The following CHMP4C variants were observed in gnomAD, a reference collection of about 807,000 sequenced individuals.
CHMP4C encodes charged multivesicular body protein 4C.
A neutral mutation model predicts 29.0 loss-of-function variants in CHMP4C; 28 were observed. The ratio of observed to expected loss-of-function variants is 0.97; its 90% CI spans 0.72 to 1.32. CHMP4C has a LOEUF of 1.32. Among genes scored for constraint, CHMP4C ranks in the 40% most tolerant of loss-of-function variants. The probability of loss-of-function intolerance (pLI) is 0.00; values close to 1 mark genes in which losing one functional copy is unlikely to be tolerated. For missense variants in CHMP4C, 291 were observed against 281.0 expected (o/e 1.04, Z -0.25); for synonymous variants, 106 against 102.4 (o/e 1.04, Z -0.21).
chr8:81,743,581 G>A (rs1808789065), intron 1 of CHMP4C, among the ~76,000 whole-genome samples: 1 of 152,036 alleles, frequency 6.6e-6, no homozygotes, highest in South Asian at 2.1e-4. Flanking sequence ...AATTTCTCTT[G>A]CCCAGCAATT....
intron 1 of CHMP4C, among the ~76,000 whole-genome samples, chr8:81,743,099 A>G (rs1808783469): frequency 6.6e-6 from 1 of 152,062 alleles, no homozygotes; most frequent in Non-Finnish European, 1.5e-5. Flanking sequence ...GTGAGAACTG[A>G]GAGGGGCTAA....
chr8:81,743,199 G>T (rs1373879012), intron 1 of CHMP4C, among the ~76,000 whole-genome samples: 1 of 151,478 alleles, frequency 6.6e-6, no homozygotes, highest in African/African-American at 2.4e-5. Flanking sequence ...TGCATAAGAT[G>T]ACTAAGGAAT....
chr8:81,758,316 A>G (rs1053092512), intron 4 of CHMP4C, 21 bp downstream of exon 4: 4 of 1,612,742 alleles, frequency 2.5e-6, no homozygotes, highest in Admixed American at 3.3e-5. Context: ...CAGCTCAACT[A>G]CATGTGGTCA....
chr8:81,750,420 G>A (rs1391188287), intron 1 of CHMP4C, among the ~76,000 whole-genome samples: 1 of 150,414 alleles, frequency 6.6e-6, no homozygotes, highest in Admixed American at 6.7e-5. Context: ...GGGTAGTATA[G>A]CAAGACTCTG....
At chr8:81,758,028 A>G (rs1432869820) in intron 3 of CHMP4C, 114 bp from the exon 4 acceptor site, 1 of 908,234 alleles carries the variant, frequency 1.1e-6, no homozygotes, top group East Asian at 2.4e-5. Context: ...TAAATATTCC[A>G]TTTCACTGGG....
chr8:81,754,036 A>G (rs532081533), intron 2 of CHMP4C, among the ~76,000 whole-genome samples: 154 of 152,268 alleles, frequency 1.0e-3, no homozygotes, highest in Middle Eastern at 6.8e-3. Context: ...GCAAGGATGC[A>G]CAAGAGCAAT....
At chr8:81,755,824 C>G (rs1808965636) in intron 3 of CHMP4C, among the ~76,000 whole-genome samples, 1 of 152,174 alleles carries the variant, frequency 6.6e-6, no homozygotes, top group Non-Finnish European at 1.5e-5. Context: ...CTTCGTCATT[C>G]TGCATGAAAC....
At position 81,759,324 on chromosome 8, in the gene CHMP4C, G is replaced by A. The variant is rs1034804257; in HGVS notation, c.*780G>A. The A allele has an allele frequency of 6.6e-6, 1 of 152,548 alleles. No individual in the cohort carries two copies. Among genetic ancestry groups the A allele is most frequent in the Non-Finnish European group, 1.5e-5 (1 of 68,044 alleles). The allele number at this position is 152,548 out of a possible 1,614,324, so 9.4% of individuals were successfully genotyped here. A position where few individuals can be genotyped will look rare whatever the true frequency, so the allele number is the denominator to read the frequency against. ...ATTGCTGAATGAGAATCTCCTGGGTGTAATTTAGCCACTTAGGGAACTGCG... is the reference window on the plus strand; with the variant it reads ...ATTGCTGAATGAGAATCTCCTGGGTATAATTTAGCCACTTAGGGAACTGCG... On this transcript the variant is annotated 3_prime_UTR_variant, in exon 5 of 5. Coordinates refer to ENST00000297265, the MANE Select transcript of CHMP4C (RefSeq NM_152284.4).
chr8:81,737,199 A>C (rs1254265693), intron 1 of CHMP4C, among the ~76,000 whole-genome samples: 1 of 152,178 alleles, frequency 6.6e-6, no homozygotes, highest in Non-Finnish European at 1.5e-5. Flanking sequence ...TCTTCTGAGC[A>C]CTGCGTCTTA....
intron 1 of CHMP4C, among the ~76,000 whole-genome samples, chr8:81,733,988 A>G (rs1405040336): frequency 6.6e-6 from 1 of 152,212 alleles, no homozygotes; most frequent in Non-Finnish European, 1.5e-5. Context: ...AAAGTGTGCC[A>G]GCTACATTTA....
At chr8:81,736,525 G>A (rs764182849) in intron 1 of CHMP4C, among the ~76,000 whole-genome samples, 12 of 151,970 alleles carry the variant, frequency 7.9e-5, no homozygotes, top group African/African-American at 1.2e-4. Context: ...AATACCCTCC[G>A]CACCCACCCC....
rs1358074429 is a variant in CHMP4C at position 81,759,156 on chromosome 8, T to C, written c.*612T>C. 1 of 152,654 alleles carries C rather than the reference T, an allele frequency of 6.6e-6. No homozygotes were observed. The highest frequency in any genetic ancestry group is 1.5e-5 in the Non-Finnish European group (1 of 68,058). The allele number at this position is 152,654 out of a possible 1,614,324, so 9.5% of individuals were successfully genotyped here. A position where few individuals can be genotyped will look rare whatever the true frequency, so the allele number is the denominator to read the frequency against. On this transcript the variant is annotated 3_prime_UTR_variant, in exon 5 of 5. Coordinates refer to ENST00000297265, the MANE Select transcript of CHMP4C (RefSeq NM_152284.4). ...AGCCTTTTAGTAGAGGAGTCTTATA[T>C]GAGTCTCTACATAAGTAGTTTCACT... is the stretch of plus-strand genomic sequence containing the variant.
intron 1 of CHMP4C, among the ~76,000 whole-genome samples, chr8:81,744,193 G>A (rs982301948): frequency 6.6e-6 from 1 of 152,166 alleles, no homozygotes; most frequent in South Asian, 2.1e-4. Flanking sequence ...TTACATATAA[G>A]ATTCAGCTGC....
intron 1 of CHMP4C, among the ~76,000 whole-genome samples, chr8:81,751,134 T>C (rs960285624): frequency 1.3e-5 from 2 of 152,184 alleles, no homozygotes; most frequent in Non-Finnish European, 2.9e-5. Flanking sequence ...TTCAGACTTA[T>C]AGGCATTCAA....
chr8:81,735,873 G>C (rs933734330), intron 1 of CHMP4C, among the ~76,000 whole-genome samples: 7 of 152,052 alleles, frequency 4.6e-5, no homozygotes, highest in African/African-American at 1.7e-4. Flanking sequence ...GATTACTTGA[G>C]GTCAGGAGTT....
At chr8:81,734,932 C>T (rs1056721237) in intron 1 of CHMP4C, among the ~76,000 whole-genome samples, 4 of 150,392 alleles carry the variant, frequency 2.7e-5, no homozygotes, top group Non-Finnish European at 5.9e-5. Context: ...CTTACTCTAT[C>T]GCCCAGGCTG....
intron 1 of CHMP4C, among the ~76,000 whole-genome samples, chr8:81,734,063 C>A (rs373362908): frequency 2.0e-5 from 3 of 152,208 alleles, no homozygotes; most frequent in Non-Finnish European, 1.5e-5. Context: ...CATATTATAG[C>A]CTGTTTTAGA....
chr8:81,741,123 G>A (rs1398155501), intron 1 of CHMP4C, among the ~76,000 whole-genome samples: 1 of 152,128 alleles, frequency 6.6e-6, no homozygotes, highest in African/African-American at 2.4e-5. Flanking sequence ...ACTTCTAGAA[G>A]AGCAATTGCT....
intron 1 of CHMP4C, among the ~76,000 whole-genome samples, chr8:81,748,862 G>T (rs528079277): frequency 6.6e-6 from 1 of 151,342 alleles, no homozygotes; most frequent in East Asian, 1.9e-4. Context: ...GGGAGTTGGA[G>T]GTTGCAGTGA....
Sources: allele counts gnomAD v4.1 joint callset (sites outside exome capture counted in the v4.1 genomes callset), GRCh38; gene constraint gnomAD v4.1.1; transcripts MANE v1.5; gene names NCBI Gene and HGNC (gene_info 2026-07-23, HGNC 2026-07-21).